Variants in GPC3 observed in about 807,000 individuals in gnomAD.
The protein encoded by GPC3 is glypican-3.
GPC3 carries 3 observed loss-of-function variants against 34.4 expected under a neutral mutation model. The ratio of observed to expected loss-of-function variants is 0.09; its 90% CI spans 0.04 to 0.23. The LOEUF (loss-of-function observed/expected upper bound fraction) is 0.23, where lower values mean the gene tolerates loss of function less well. GPC3 is among the 10% of genes least tolerant of loss of function. The pLI is 1.00. For synonymous variants in GPC3, 177 were observed against 174.0 expected (o/e 1.02, Z -0.13); for missense variants, 351 against 445.6 (o/e 0.79, Z 1.91).
At chrX:133,664,511 A>AAG (rs201721344) in intron 5 of GPC3, among the ~76,000 whole-genome samples, 4,380 of 111,504 alleles carry the variant, frequency 0.039, 212 homozygotes, top group African/African-American at 0.13. Context: ...TCAAAAGTAG[A>AAG]TTCAATATTT....
intron 7 of GPC3, among the ~76,000 whole-genome samples, chrX:133,537,967 A>C (rs1334827801): frequency 9.0e-6 from 1 of 111,402 alleles, no homozygotes; most frequent in Non-Finnish European, 1.9e-5. Flanking sequence ...GTAGAAAGAA[A>C]TAATGTCCTA....
intron 2 of GPC3, among the ~76,000 whole-genome samples, chrX:133,772,505 A>G (rs1303492134): frequency 3.6e-5 from 4 of 111,542 alleles, no homozygotes; most frequent in African/African-American, 1.3e-4. Context: ...TGGTATCGTC[A>G]TACCCCACCC....
intron 4 of GPC3, among the ~76,000 whole-genome samples, chrX:133,694,384 A>G (rs1387936271): frequency 9.0e-6 from 1 of 111,114 alleles, no homozygotes; most frequent in East Asian, 2.8e-4. Flanking sequence ...TCTGAGCACC[A>G]TCAATCTCCA....
At chrX:133,909,258 C>A (rs1335609651) in intron 2 of GPC3, among the ~76,000 whole-genome samples, 1 of 112,553 alleles carries the variant, frequency 8.9e-6, no homozygotes, top group Admixed American at 9.4e-5. Context: ...TGTGAATCTG[C>A]CTAATTACTA....
chrX:133,817,027 G>A lies in GPC3; in HGVS notation c.338-62851C>T, dbSNP rs775198126. Among the ~76,000 whole-genome samples the A allele has an allele frequency of 1.3e-4, 14 of 111,937 alleles. No homozygotes were observed. In the East Asian group the frequency reaches 3.1e-3, roughly 25 times the overall value. ...GCACAGTTTCCATTGTACCCCGAAA[G>A]TTGACATGTCTAAAACTTCATTTAA... On this transcript the variant is annotated intron_variant, in intron 2 of 7. Coordinates refer to ENST00000370818, the MANE Select transcript of GPC3 (RefSeq NM_004484.4).
chrX:133,587,537 A>G (rs1389866354), intron 7 of GPC3, among the ~76,000 whole-genome samples: 1 of 112,014 alleles, frequency 8.9e-6, no homozygotes, highest in Non-Finnish European at 1.9e-5. Flanking sequence ...TCTTTATAGT[A>G]GCTGTACTAG....
Position 133,615,354 on chromosome X carries a change from T to A in GPC3, c.1414-18755A>T, listed in dbSNP as rs139737506. ...CAAAGGATTATACACCATAACCAAG[T>A]AGCATTTAATACAGGAATTCAAGGT... is the stretch of plus-strand genomic sequence containing the variant. On this transcript the variant is annotated intron_variant, in intron 6 of 7. Coordinates refer to ENST00000370818, the MANE Select transcript of GPC3 (RefSeq NM_004484.4). Among the ~76,000 whole-genome samples the A allele has an allele frequency of 8.8e-3, 984 of 111,741 alleles. 6 individuals are homozygous for A. Among genetic ancestry groups the A allele is most frequent in the East Asian group, 0.02 (71 of 3,591 alleles).
At chrX:133,886,365 G>A (rs2076061784) in intron 2 of GPC3, among the ~76,000 whole-genome samples, 1 of 108,769 alleles carries the variant, frequency 9.2e-6, no homozygotes, top group Non-Finnish European at 1.9e-5. Flanking sequence ...AAAAAAAAAA[G>A]GTAGGGGAGT....
At chrX:133,791,762 T>C (rs2072161908) in intron 2 of GPC3, among the ~76,000 whole-genome samples, 2 of 109,949 alleles carry the variant, frequency 1.8e-5, no homozygotes, top group South Asian at 8.0e-4. Flanking sequence ...TGCATCTCTC[T>C]CTAACTCCAC....
chrX:133,793,635 G>A (rs2072192281), intron 2 of GPC3, among the ~76,000 whole-genome samples: 1 of 111,347 alleles, frequency 9.0e-6, no homozygotes, highest in East Asian at 2.8e-4. Flanking sequence ...CAACTGCACG[G>A]CTGCTCACAA....
chrX:133,753,389 A>G (rs2071686141), intron 3 of GPC3, 93 bp downstream of exon 3: 3 of 696,840 alleles, frequency 4.3e-6, no homozygotes, highest in Non-Finnish European at 7.0e-6. Context: ...CCACCTTCCA[A>G]TTTTGTTCTC....
intron 6 of GPC3, among the ~76,000 whole-genome samples, chrX:133,607,528 A>G (rs181713444): frequency 8.9e-6 from 1 of 111,916 alleles, no homozygotes; most frequent in African/African-American, 3.2e-5. Context: ...TTGACCTTAC[A>G]AAGTTCTGGA....
chrX:133,655,502 A>C (rs866317398), intron 6 of GPC3, among the ~76,000 whole-genome samples: 40 of 105,669 alleles, frequency 3.8e-4, no homozygotes, highest in African/African-American at 1.3e-3. Flanking sequence ...ACACACACAC[A>C]CACCCACACA....
rs768435470 is a variant in GPC3, at chrX:133,657,190, G to A, written c.1413+4540C>T. Among the ~76,000 whole-genome samples the A allele has an allele frequency of 4.2e-4, 47 of 111,915 alleles. 1 individual carries two copies. Among genetic ancestry groups the A allele is most frequent in the Non-Finnish European group, 7.0e-4 (37 of 53,194 alleles). The stretch of plus-strand genomic sequence containing the variant: ...GAACTGAAATGGGGAAACAATAAAT[G>A]GATAGATTTTTCCTTGGGAACAATA... On this transcript the variant is annotated intron_variant, in intron 6 of 7. Coordinates refer to ENST00000370818, the MANE Select transcript of GPC3 (RefSeq NM_004484.4).
At chrX:133,914,966 TATATATATATATATAA>T (rs1481843440) in intron 2 of GPC3, among the ~76,000 whole-genome samples, 2 of 94,582 alleles carry the variant, frequency 2.1e-5, no homozygotes, top group African/African-American at 8.0e-5. Context: ...TATATATATA[TATATATATATATATAA>T]AGTTTTATAT....
At chrX:133,672,077 A>G (rs2070831853) in intron 5 of GPC3, among the ~76,000 whole-genome samples, 1 of 111,727 alleles carries the variant, frequency 9.0e-6, no homozygotes, top group African/African-American at 3.3e-5. Flanking sequence ...AGAAGCAAAG[A>G]ATATTTTTCA....
At chrX:133,686,475 T>G (rs946652388) in intron 5 of GPC3, among the ~76,000 whole-genome samples, 1 of 112,262 alleles carries the variant, frequency 8.9e-6, no homozygotes, top group South Asian at 3.7e-4. Flanking sequence ...AGTACTGATA[T>G]GTGCTACAAC....
intron 7 of GPC3, among the ~76,000 whole-genome samples, chrX:133,572,463 AG>A (rs1417827385): frequency 1.9e-4 from 21 of 111,236 alleles, no homozygotes; most frequent in African/African-American, 2.6e-4. Context: ...TAAGGATTAG[AG>A]GTAAAGATAA....
At chrX:133,650,501 GTCT>G (rs1413246701) in intron 6 of GPC3, among the ~76,000 whole-genome samples, 1 of 108,382 alleles carries the variant, frequency 9.2e-6, no homozygotes, top group Non-Finnish European at 1.9e-5. Flanking sequence ...ATAAAAAATC[GTCT>G]TCATTTTCCA....
Sources: allele counts gnomAD v4.1 joint callset (sites outside exome capture counted in the v4.1 genomes callset), GRCh38; gene constraint gnomAD v4.1.1; transcripts MANE v1.5; gene names NCBI Gene and HGNC (gene_info 2026-07-23, HGNC 2026-07-21).